The following GNAQ variants were observed in gnomAD, a reference collection of about 807,000 sequenced individuals.
GNAQ encodes the protein G protein subunit alpha q.
A neutral mutation model predicts 43.9 loss-of-function variants in GNAQ; 8 were observed. The observed-to-expected ratio is 0.18, with a 90% CI of 0.11 to 0.33. The LOEUF is 0.33. Among genes scored for constraint, GNAQ ranks in the 10% least tolerant of loss-of-function variants. The pLI, the probability that GNAQ is intolerant of heterozygous loss-of-function variation, is 1.00. For synonymous variants in GNAQ, 155 were observed against 170.7 expected (o/e 0.91, Z 0.71); for missense variants, 158 against 450.8 (o/e 0.35, Z 5.88).
intron 2 of GNAQ, among the ~76,000 whole-genome samples, chr9:77,871,763 G>C (rs192221709): frequency 1.3e-5 from 2 of 152,164 alleles, no homozygotes; most frequent in East Asian, 3.9e-4. Flanking sequence ...ATCTATAATA[G>C]AATTGCAGAA....
chr9:77,749,588 G>A (rs1177225876), intron 5 of GNAQ, among the ~76,000 whole-genome samples: 1 of 152,096 alleles, frequency 6.6e-6, no homozygotes, highest in East Asian at 1.9e-4. Flanking sequence ...CTGGGACTTG[G>A]ATGGGTCTTC....
At chr9:77,973,602 C>T (rs1823264297) in intron 1 of GNAQ, among the ~76,000 whole-genome samples, 1 of 152,246 alleles carries the variant, frequency 6.6e-6, no homozygotes, top group South Asian at 2.1e-4. Flanking sequence ...AGATCACTTG[C>T]AGTCAGGAGT....
chr9:77,891,391 G>A (rs1828403523), intron 2 of GNAQ, among the ~76,000 whole-genome samples: 1 of 152,030 alleles, frequency 6.6e-6, no homozygotes, highest in African/African-American at 2.4e-5. Context: ...GTTTTTTGGG[G>A]AGGGGAGGAA....
chr9:77,831,871 G>T (rs570937930), intron 2 of GNAQ, among the ~76,000 whole-genome samples: 1 of 152,236 alleles, frequency 6.6e-6, no homozygotes, highest in South Asian at 2.1e-4. Flanking sequence ...CTATATACCT[G>T]CCTTCAGTTT....
intron 2 of GNAQ, among the ~76,000 whole-genome samples, chr9:77,835,220 A>G (rs796697308): frequency 6.6e-6 from 1 of 151,984 alleles, no homozygotes; most frequent in African/African-American, 2.4e-5. Context: ...TCTCCATTTA[A>G]TATGTTTGAT....
intron 1 of GNAQ, among the ~76,000 whole-genome samples, chr9:78,009,984 G>A (rs1447596998): frequency 6.6e-6 from 1 of 152,164 alleles, no homozygotes; most frequent in Non-Finnish European, 1.5e-5. Context: ...GTTATTGAGT[G>A]CCCTTTGCAC....
chr9:77,735,936 G>A (rs1330089131), intron 5 of GNAQ, among the ~76,000 whole-genome samples: 3 of 152,138 alleles, frequency 2.0e-5, no homozygotes, highest in African/African-American at 7.2e-5. Context: ...GAGGATAGAT[G>A]AGACAATGCA....
chr9:77,848,064 C>T (rs1827615289), intron 2 of GNAQ, among the ~76,000 whole-genome samples: 1 of 152,190 alleles, frequency 6.6e-6, no homozygotes, highest in African/African-American at 2.4e-5. Context: ...AGACAAATCA[C>T]ATAAGTGGTT....
intron 2 of GNAQ, among the ~76,000 whole-genome samples, chr9:77,842,160 A>G (rs1231864865): frequency 6.6e-6 from 1 of 152,238 alleles, no homozygotes; most frequent in Non-Finnish European, 1.5e-5. Flanking sequence ...GAGAGCTGTC[A>G]TCAGAGCTAC....
At chr9:77,936,556 T>C (rs1829234817) in intron 1 of GNAQ, among the ~76,000 whole-genome samples, 1 of 152,230 alleles carries the variant, frequency 6.6e-6, no homozygotes, top group Admixed American at 6.5e-5. Context: ...TCACATAGAC[T>C]GTACTTGCTT....
chr9:77,970,505 T>G (rs1364320093), intron 1 of GNAQ, among the ~76,000 whole-genome samples: 1 of 152,186 alleles, frequency 6.6e-6, no homozygotes, highest in African/African-American at 2.4e-5. Context: ...CCTCTTCCCA[T>G]TCTGCCTATT....
chr9:77,724,477 G>C (rs11145545), intron 6 of GNAQ, among the ~76,000 whole-genome samples: 4,862 of 152,196 alleles, frequency 0.032, 241 homozygotes, highest in African/African-American at 0.1. Context: ...GATTACAGGC[G>C]TGAGCCACCA....
chr9:77,748,034 G>A (rs1350445224), intron 5 of GNAQ, among the ~76,000 whole-genome samples: 1 of 152,160 alleles, frequency 6.6e-6, no homozygotes, highest in Non-Finnish European at 1.5e-5. Context: ...GGGTGGTCAG[G>A]AGAACTGAGT....
chr9:77,753,617 A>G (rs1333844911), intron 5 of GNAQ, among the ~76,000 whole-genome samples: 1 of 152,176 alleles, frequency 6.6e-6, no homozygotes, highest in Admixed American at 6.5e-5. Context: ...TGTTGATATG[A>G]TTGAGGGTGA....
chr9:77,777,826 G>GCTAGCAT (rs1230188964), intron 5 of GNAQ, among the ~76,000 whole-genome samples: 36 of 152,102 alleles, frequency 2.4e-4, no homozygotes, highest in Non-Finnish European at 2.5e-4. Context: ...ACAAGTGTTG[G>GCTAGCAT]CTAGCATAAG....
At chr9:77,820,578 C>T (rs1019138791) in intron 2 of GNAQ, among the ~76,000 whole-genome samples, 3 of 152,136 alleles carry the variant, frequency 2.0e-5, no homozygotes, top group African/African-American at 7.2e-5. Flanking sequence ...CCTTTTGAAG[C>T]CCCTCATGAA....
chr9:77,904,475 G>C (rs551557900), intron 2 of GNAQ, among the ~76,000 whole-genome samples: 3 of 151,800 alleles, frequency 2.0e-5, no homozygotes, highest in Admixed American at 2.0e-4. Flanking sequence ...TGGGACTACA[G>C]GCGTCTACCA....
intron 1 of GNAQ, among the ~76,000 whole-genome samples, chr9:78,019,965 C>T (rs1318511823): frequency 6.7e-6 from 1 of 149,360 alleles, no homozygotes; most frequent in African/African-American, 2.5e-5. Flanking sequence ...ACTTTAGGAA[C>T]CTTTAAAAAT....
intron 5 of GNAQ, among the ~76,000 whole-genome samples, chr9:77,783,300 C>T (rs1407849463): frequency 6.6e-6 from 1 of 152,160 alleles, no homozygotes; most frequent in African/African-American, 2.4e-5. Flanking sequence ...TAAAATTCCT[C>T]TACAACACAA....
Sources: allele counts gnomAD v4.1 joint callset (sites outside exome capture counted in the v4.1 genomes callset), GRCh38; gene constraint gnomAD v4.1.1; transcripts MANE v1.5; gene names NCBI Gene and HGNC (gene_info 2026-07-23, HGNC 2026-07-21).